The following TNRC6B variants were observed in gnomAD, a reference collection of about 807,000 sequenced individuals.
TNRC6B encodes the protein trinucleotide repeat containing adaptor 6B, also known as trinucleotide repeat-containing gene 6B protein.
In TNRC6B, 52 loss-of-function variants were observed where a neutral mutation model predicts 203.6. The ratio of observed to expected loss-of-function variants is 0.26; its 90% CI spans 0.20 to 0.32. The LOEUF is 0.32. Among genes scored for constraint, TNRC6B ranks in the 10% least tolerant of loss-of-function variants. The probability of loss-of-function intolerance (pLI) is 1.00; values close to 1 mark genes in which losing one functional copy is unlikely to be tolerated. For missense variants in TNRC6B, 1,923 were observed against 2,286.2 expected (o/e 0.84, Z 3.24); for synonymous variants, 838 against 845.7 (o/e 0.99, Z 0.16).
chr22:40,133,265 T>A (rs1228423822), intron 3 of TNRC6B, among the ~76,000 whole-genome samples: 1 of 152,114 alleles, frequency 6.6e-6, no homozygotes, highest in African/African-American at 2.4e-5. Flanking sequence ...CATGCTGAAC[T>A]AAGCTGTTTA....
At chr22:40,111,278 T>C (rs713639) in intron 1 of TNRC6B, among the ~76,000 whole-genome samples, 37,165 of 152,050 alleles carry the variant, frequency 0.24, 5,026 homozygotes, top group African/African-American at 0.35. Flanking sequence ...GCGAAGGCAG[T>C]GGGGCGAGCA....
intron 1 of TNRC6B, among the ~76,000 whole-genome samples, chr22:40,231,011 T>A (rs1178384743): frequency 1.3e-5 from 2 of 152,160 alleles, no homozygotes; most frequent in South Asian, 2.1e-4. Flanking sequence ...CTCAGCTAAA[T>A]TACCTTTGCA....
At chr22:40,104,767 G>A (rs551916451) in intron 1 of TNRC6B, among the ~76,000 whole-genome samples, 32 of 152,252 alleles carry the variant, frequency 2.1e-4, no homozygotes, top group African/African-American at 7.5e-4. Context: ...CTCTGTTCCA[G>A]GCACATTCCA....
In TNRC6B at chr22:40,061,210, G is replaced by C. The variant is rs139880866; in HGVS notation, c.-121+16212G>C. The stretch of plus-strand genomic sequence containing the variant: ...TTGAAAGGAACGTATGTCCGCTGTT[G>C]TTGGATTTATTATTATTATTTGAGA... On this transcript the variant is annotated intron_variant, in intron 1 of 23. Transcript: ENST00000301923. 2.5e-4 allele frequency among the ~76,000 whole-genome samples: 38 copies of C among 152,192 alleles called. 1 individual carries two copies. In the East Asian group the frequency reaches 6.8e-3, roughly 27 times the overall value.
At chr22:40,278,679 A>G (rs913362689) in intron 9 of TNRC6B, among the ~76,000 whole-genome samples, 2 of 152,044 alleles carry the variant, frequency 1.3e-5, no homozygotes, top group African/African-American at 4.8e-5. Flanking sequence ...AGGCTGAGCT[A>G]TGACAAGTCT....
At chr22:40,111,598 G>C (rs949025751) in intron 1 of TNRC6B, among the ~76,000 whole-genome samples, 2 of 152,218 alleles carry the variant, frequency 1.3e-5, no homozygotes. Context: ...GATGTTCACA[G>C]ACTTCTGATT....
At chr22:40,189,385 C>T (rs1207609059) in intron 1 of TNRC6B, among the ~76,000 whole-genome samples, 1 of 151,784 alleles carries the variant, frequency 6.6e-6, no homozygotes, top group Non-Finnish European at 1.5e-5. Flanking sequence ...CCAGGTTTCA[C>T]GAAGGCACAT....
At chr22:40,208,297 TG>T (rs973821417) in intron 1 of TNRC6B, among the ~76,000 whole-genome samples, 3 of 152,112 alleles carry the variant, frequency 2.0e-5, no homozygotes, top group African/African-American at 7.2e-5. Context: ...GTTTCAGTTG[TG>T]GGCTGGTAAC....
chr22:40,154,058 G>T (rs559842793), intron 3 of TNRC6B, among the ~76,000 whole-genome samples: 2 of 151,564 alleles, frequency 1.3e-5, no homozygotes, highest in Admixed American at 6.6e-5. Context: ...ATCATAGAGC[G>T]CTACAGTCTT....
intron 1 of TNRC6B, among the ~76,000 whole-genome samples, chr22:40,066,332 C>T (rs2146276081): frequency 2.6e-5 from 4 of 152,266 alleles, no homozygotes; most frequent in Middle Eastern, 6.8e-3. Context: ...AAATATTGCT[C>T]TCGTTACTTC....
intron 1 of TNRC6B, among the ~76,000 whole-genome samples, chr22:40,217,135 C>T (rs929540553): frequency 3.9e-5 from 6 of 152,162 alleles, no homozygotes; most frequent in African/African-American, 1.4e-4. Context: ...AAAATTCCTC[C>T]TAACCTTGGA....
upstream of TNRC6B, among the ~76,000 whole-genome samples, chr22:40,174,878 T>G (rs2146372614): frequency 6.6e-6 from 1 of 152,174 alleles, no homozygotes; most frequent in African/African-American, 2.4e-5. Flanking sequence ...AATAATATAA[T>G]TTTAAAATAT....
rs187257085 is a variant in TNRC6B at position 40,093,013 on chromosome 22, A to C, written c.-120-24042A>C. 1.5e-3 allele frequency among the ~76,000 whole-genome samples: 222 copies of C among 152,368 alleles called. 3 individuals are homozygous for C. Among genetic ancestry groups the C allele is most frequent in the African/African-American group, 4.9e-3 (203 of 41,584 alleles). On this transcript the variant is annotated intron_variant, in intron 1 of 23. Transcript: ENST00000301923. Reference sequence around the variant, plus strand: ...ATAGAGGTATTTGACTAGCTAAAATAATAATAATCAGATATATTTGAAAAA... The same window carrying C: ...ATAGAGGTATTTGACTAGCTAAAATCATAATAATCAGATATATTTGAAAAA...
chr22:40,119,262 T>G (rs1029488842), intron 2 of TNRC6B, among the ~76,000 whole-genome samples: 8 of 152,156 alleles, frequency 5.3e-5, no homozygotes, highest in Non-Finnish European at 8.8e-5. Flanking sequence ...CTGCTCCAAG[T>G]TGAAGTGATG....
At chr22:40,126,785 C>T (rs1335135288) in intron 3 of TNRC6B, among the ~76,000 whole-genome samples, 1 of 150,474 alleles carries the variant, frequency 6.6e-6, no homozygotes, top group Non-Finnish European at 1.5e-5. Flanking sequence ...GAGACGGGGT[C>T]TCACTTTGTT....
intron 3 of TNRC6B, among the ~76,000 whole-genome samples, chr22:40,131,149 T>C (rs2068541156): frequency 6.6e-6 from 1 of 152,062 alleles, no homozygotes; most frequent in African/African-American, 2.4e-5. Flanking sequence ...CTCGATCTCC[T>C]GACCTCGTGA....
chr22:40,054,400 C>T (rs1264420821), intron 1 of TNRC6B, among the ~76,000 whole-genome samples: 1 of 152,134 alleles, frequency 6.6e-6, no homozygotes, highest in Non-Finnish European at 1.5e-5. Flanking sequence ...AATGTGTGTT[C>T]TTCACTACCC....
chr22:40,297,814 T>G (rs2070964553), intron 12 of TNRC6B, among the ~76,000 whole-genome samples: 1 of 148,576 alleles, frequency 6.7e-6, no homozygotes, highest in Non-Finnish European at 1.5e-5. Context: ...AGAGTGAAAC[T>G]CTATCTAAAA....
chr22:40,214,678 A>G (rs986677475), intron 1 of TNRC6B, among the ~76,000 whole-genome samples: 5 of 151,966 alleles, frequency 3.3e-5, no homozygotes, highest in African/African-American at 1.2e-4. Flanking sequence ...TCAACCTCTT[A>G]AGTAGCTAGA....
Sources: allele counts gnomAD v4.1 joint callset (sites outside exome capture counted in the v4.1 genomes callset), GRCh38; gene constraint gnomAD v4.1.1; transcripts MANE v1.5; gene names NCBI Gene and HGNC (gene_info 2026-07-23, HGNC 2026-07-21).